The following VTA1 variants were observed in gnomAD, a reference collection of about 807,000 sequenced individuals.
VTA1 encodes the protein vacuolar protein sorting-associated protein VTA1 homolog.
A neutral mutation model predicts 36.9 loss-of-function variants in VTA1; 24 were observed. That is an observed-to-expected ratio of 0.65 (90% CI 0.47 to 0.91). The LOEUF is 0.91. VTA1 is among the 40% of genes least tolerant of loss of function. The pLI, the probability that VTA1 is intolerant of heterozygous loss-of-function variation, is 0.00. For missense variants in VTA1, 393 were observed against 377.2 expected, an observed-to-expected ratio of 1.04 and a Z score of -0.35; for synonymous variants, 142 against 130.2, an observed-to-expected ratio of 1.09 and a Z score of -0.62.
intron 2 of VTA1, among the ~76,000 whole-genome samples, chr6:142,168,303 CAT>C (rs1774960179): frequency 6.6e-6 from 1 of 151,848 alleles, no homozygotes; most frequent in African/African-American, 2.4e-5. Flanking sequence ...TCAGGATAAA[CAT>C]AGATAAAATT....
intron 1 of VTA1, among the ~76,000 whole-genome samples, chr6:142,149,198 T>C (rs1193490861): frequency 6.6e-6 from 1 of 152,226 alleles, no homozygotes; most frequent in African/African-American, 2.4e-5. Flanking sequence ...CTTTATCTTG[T>C]AGAGCCTTTC....
intron 4 of VTA1, among the ~76,000 whole-genome samples, chr6:142,173,153 TA>T (rs1266710962): frequency 2.6e-5 from 4 of 152,076 alleles, no homozygotes; most frequent in Admixed American, 2.6e-4. Context: ...TGGAAATAAA[TA>T]AGCAAAAGAC....
At chr6:142,164,214 AT>A (rs1473544046) in intron 1 of VTA1, among the ~76,000 whole-genome samples, 1 of 152,186 alleles carries the variant, frequency 6.6e-6, no homozygotes, top group African/African-American at 2.4e-5. Flanking sequence ...GAAAGAGCAT[AT>A]TAAGATTTAT....
At chr6:142,211,612 G>A (rs1415279526) in intron 7 of VTA1, among the ~76,000 whole-genome samples, 1 of 151,774 alleles carries the variant, frequency 6.6e-6, no homozygotes, top group Non-Finnish European at 1.5e-5. Context: ...TCGGGAGGCT[G>A]AGGCAGGAGA....
intron 5 of VTA1, among the ~76,000 whole-genome samples, chr6:142,193,128 T>C (rs1775484890): frequency 6.6e-6 from 1 of 152,138 alleles, no homozygotes; most frequent in Admixed American, 6.5e-5. Flanking sequence ...GGATTTCTAG[T>C]GTTTCTTTGC....
At chr6:142,173,338 A>T (rs1316604800) in intron 4 of VTA1, among the ~76,000 whole-genome samples, 1 of 152,238 alleles carries the variant, frequency 6.6e-6, no homozygotes. Context: ...AATTCAAGAT[A>T]CCAGAAGAGA....
chr6:142,190,921 G>A (rs1256582566), intron 5 of VTA1, among the ~76,000 whole-genome samples: 4 of 152,090 alleles, frequency 2.6e-5, no homozygotes. Context: ...GCCATAGTTG[G>A]CCAACCCCAA....
At chr6:142,173,195 A>G (rs570104617) in intron 4 of VTA1, among the ~76,000 whole-genome samples, 2 of 152,358 alleles carry the variant, frequency 1.3e-5, no homozygotes, top group East Asian at 3.9e-4. Context: ...TCAAGTTATA[A>G]GATTAGACAA....
chr6:142,150,913 CAAA>C (rs776386647), intron 1 of VTA1, among the ~76,000 whole-genome samples: 2 of 103,152 alleles, frequency 1.9e-5, no homozygotes, highest in Non-Finnish European at 2.1e-5. Flanking sequence ...ACTCCATCTC[CAAA>C]AAAAAAAAAA....
intron 1 of VTA1, among the ~76,000 whole-genome samples, chr6:142,152,006 C>G (rs1778577361): frequency 1.3e-5 from 2 of 151,904 alleles, no homozygotes; most frequent in South Asian, 4.1e-4. Context: ...GCACTCCAAC[C>G]TGGGGAACAG....
At chr6:142,169,305 G>A (rs1321063722) in intron 2 of VTA1, among the ~76,000 whole-genome samples, 2 of 152,100 alleles carry the variant, frequency 1.3e-5, no homozygotes, top group Non-Finnish European at 2.9e-5. Flanking sequence ...TATTTTGATT[G>A]TTAGAGCTAA....
intron 5 of VTA1, 57 bp from the exon 6 acceptor site, chr6:142,198,382 C>A: frequency 6.5e-7 from 1 of 1,529,228 alleles, no homozygotes; most frequent in Non-Finnish European, 8.9e-7. Flanking sequence ...AATAAGAATA[C>A]CTAGCACTTG....
intron 1 of VTA1, among the ~76,000 whole-genome samples, chr6:142,150,026 A>G (rs757558769): frequency 6.6e-6 from 1 of 151,264 alleles, no homozygotes; most frequent in Non-Finnish European, 1.5e-5. Context: ...ACCTCCCTAT[A>G]TTTTATTGTT....
chr6:142,212,596 T>C (rs889947658), intron 7 of VTA1, among the ~76,000 whole-genome samples: 1 of 151,568 alleles, frequency 6.6e-6, no homozygotes, highest in African/African-American at 2.4e-5. Context: ...TAGTCTGTTC[T>C]CATATTGCTA....
intron 2 of VTA1, among the ~76,000 whole-genome samples, chr6:142,167,891 T>C (rs1377210102): frequency 6.6e-6 from 1 of 152,248 alleles, no homozygotes; most frequent in Non-Finnish European, 1.5e-5. Flanking sequence ...AATCCAACTC[T>C]AGCATTTTGT....
intron 1 of VTA1, among the ~76,000 whole-genome samples, chr6:142,154,018 T>C (rs1447332241): frequency 5.3e-5 from 8 of 152,020 alleles, no homozygotes; most frequent in Non-Finnish European, 1.0e-4. Flanking sequence ...GTTTTACATG[T>C]ATTTGTGTGT....
At chr6:142,196,342 C>G (rs1775551953) in intron 5 of VTA1, among the ~76,000 whole-genome samples, 1 of 152,108 alleles carries the variant, frequency 6.6e-6, no homozygotes, top group Non-Finnish European at 1.5e-5. Flanking sequence ...TAGTCACCAG[C>G]TTTTGTCTGC....
At chr6:142,162,984 A>G (rs1774837697) in intron 1 of VTA1, among the ~76,000 whole-genome samples, 1 of 152,200 alleles carries the variant, frequency 6.6e-6, no homozygotes, top group African/African-American at 2.4e-5. Flanking sequence ...AGTGAAAGAG[A>G]GCACATAAAA....
At position 142,219,381 on chromosome 6, in the gene VTA1, G is replaced by A. The variant is rs542589938; in HGVS notation, c.*738G>A. 3 of 152,316 alleles carry A rather than the reference G, an allele frequency of 2.0e-5. No individual in the cohort carries two copies. Among genetic ancestry groups the A allele is most frequent in the South Asian group, 4.1e-4 (2 of 4,830 alleles). 9.4% of individuals were successfully genotyped at this position (152,316 alleles called of 1,614,324 possible). ...ATTAGAGAATGAAAAGAAGATATTT[G>A]TAGTAATGCCTGGAAACTTGGTGCT... On this transcript the variant is annotated 3_prime_UTR_variant, in exon 8 of 8. Coordinates refer to ENST00000367630, the MANE Select transcript of VTA1 (RefSeq NM_016485.5).
Sources: gnomAD v4.1 joint callset for allele counts (sites outside exome capture counted in the v4.1 genomes callset) on GRCh38, gnomAD v4.1.1 for gene constraint, MANE v1.5 for transcripts, NCBI Gene and HGNC (gene_info 2026-07-23, HGNC 2026-07-21) for gene names.